The following XKR6 variants were observed in gnomAD, a reference collection of about 807,000 sequenced individuals.
XKR6 encodes XK related 6.
A neutral mutation model predicts 56.7 loss-of-function variants in XKR6; 22 were observed. That is an observed-to-expected ratio of 0.39 (90% CI 0.28 to 0.55). XKR6 has a LOEUF of 0.55. XKR6 is among the 20% of genes least tolerant of loss of function. The probability of loss-of-function intolerance (pLI) is 0.66; values close to 1 mark genes in which losing one functional copy is unlikely to be tolerated. For synonymous variants in XKR6, 524 were observed against 387.8 expected, an observed-to-expected ratio of 1.35 and a Z score of -4.13; for missense variants, 852 against 889.0, an observed-to-expected ratio of 0.96 and a Z score of 0.53.
intron 1 of XKR6, among the ~76,000 whole-genome samples, chr8:10,975,687 C>A (rs1411449149): frequency 6.6e-6 from 1 of 151,094 alleles, no homozygotes; most frequent in South Asian, 2.1e-4. Flanking sequence ...CCCATTACAG[C>A]AGCACTGGCA....
chr8:10,979,286 G>C (rs1428431518), intron 1 of XKR6, among the ~76,000 whole-genome samples: 1 of 151,974 alleles, frequency 6.6e-6, no homozygotes, highest in African/African-American at 2.4e-5. Context: ...GGAATTTGTT[G>C]AAAGAACACA....
In XKR6 at chr8:10,928,655, G is replaced by C. The variant is rs1438469432; in HGVS notation, c.765-3825C>G. 2.0e-5 allele frequency among the ~76,000 whole-genome samples: 3 copies of C among 152,184 alleles called. No homozygotes were observed. In the South Asian group the frequency reaches 6.2e-4, roughly 31 times the overall value. ...GTCGCGGAAACGCCGCTCCAGGCAAGTGATCTCATCCCACAGGCCCGCGCC... is the reference window on the plus strand; with the variant it reads ...GTCGCGGAAACGCCGCTCCAGGCAACTGATCTCATCCCACAGGCCCGCGCC... On this transcript the variant is annotated intron_variant, in intron 1 of 2. Transcript: ENST00000416569.
At chr8:10,901,002 G>T (rs1321907860) in intron 2 of XKR6, among the ~76,000 whole-genome samples, 1 of 151,088 alleles carries the variant, frequency 6.6e-6, no homozygotes, top group Non-Finnish European at 1.5e-5. Context: ...ATGCTCCAGT[G>T]AGCCCAGCTA....
At chr8:11,000,004 G>C (rs2129142748) in intron 1 of XKR6, among the ~76,000 whole-genome samples, 1 of 152,306 alleles carries the variant, frequency 6.6e-6, no homozygotes, top group South Asian at 2.1e-4. Context: ...TTTGGCTAAT[G>C]GCATTCCATC....
chr8:11,021,254 C>A (rs1798743493), intron 1 of XKR6, among the ~76,000 whole-genome samples: 2 of 152,160 alleles, frequency 1.3e-5, no homozygotes, highest in African/African-American at 4.8e-5. Flanking sequence ...ATACAGAACC[C>A]TGTCTTCCCT....
intron 1 of XKR6, among the ~76,000 whole-genome samples, chr8:11,086,395 C>T (rs796874537): frequency 5.3e-5 from 8 of 152,184 alleles, no homozygotes; most frequent in African/African-American, 1.7e-4. Flanking sequence ...GGGTGCTATT[C>T]GCTGTTATCC....
intron 1 of XKR6, among the ~76,000 whole-genome samples, chr8:11,065,482 G>A (rs917423731): frequency 2.6e-5 from 4 of 152,216 alleles, no homozygotes; most frequent in Non-Finnish European, 4.4e-5. Flanking sequence ...AGGCATTTAG[G>A]TTCTGTGGCC....
intron 1 of XKR6, among the ~76,000 whole-genome samples, chr8:11,018,948 G>C (rs1488618057): frequency 6.6e-6 from 1 of 152,080 alleles, no homozygotes; most frequent in Admixed American, 6.5e-5. Flanking sequence ...TGCTCATCTG[G>C]AGATGACCCT....
At chr8:11,079,395 G>T (rs1797635156) in intron 1 of XKR6, among the ~76,000 whole-genome samples, 1 of 152,208 alleles carries the variant, frequency 6.6e-6, no homozygotes, top group South Asian at 2.1e-4. Context: ...CTTAAGAACT[G>T]TCCACAGTGG....
chr8:11,034,398 C>T (rs1247416099), intron 1 of XKR6, among the ~76,000 whole-genome samples: 1 of 152,130 alleles, frequency 6.6e-6, no homozygotes, highest in Non-Finnish European at 1.5e-5. Flanking sequence ...GGCAAAATGT[C>T]CAGGACATTT....
In XKR6 at chr8:11,201,301, G is replaced by T; in HGVS notation, c.39C>A (p.Gly13=). ...AKSDGGGVGV[G]FAQLHNLDEA... ...CGTCCAGGTTGTGCAGCTGAGCGAA[G>T]CCCACCCCCACGCCACCGCCATCGG... Residue 13 remains glycine (G), a synonymous_variant, in exon 1 of 3, where the codon GGC becomes GGA. Coordinates refer to ENST00000416569, the MANE Select transcript of XKR6 (RefSeq NM_173683.4). The T allele has an allele frequency of 7.2e-7, 1 of 1,388,748 alleles. No individual in the cohort carries two copies. Among genetic ancestry groups the T allele is most frequent in the South Asian group, 1.2e-5 (1 of 86,934 alleles). 86.0% of individuals were successfully genotyped at this position (1,388,748 alleles called of 1,614,324 possible). A position where few individuals can be genotyped will look rare whatever the true frequency, so the allele number is the denominator to read the frequency against.
intron 1 of XKR6, among the ~76,000 whole-genome samples, chr8:11,170,201 C>T (rs772159992): frequency 1.5e-3 from 233 of 152,260 alleles, no homozygotes; most frequent in Middle Eastern, 3.4e-3. Context: ...AGGTATATAT[C>T]CAACAAAAAT....
chr8:11,013,205 G>C (rs1404223124), intron 1 of XKR6, among the ~76,000 whole-genome samples: 1 of 152,182 alleles, frequency 6.6e-6, no homozygotes, highest in Non-Finnish European at 1.5e-5. Flanking sequence ...TCATTGTACA[G>C]ACAAGGGCAC....
intron 1 of XKR6, among the ~76,000 whole-genome samples, chr8:11,007,688 A>G (rs761928313): frequency 1.4e-4 from 22 of 152,114 alleles, no homozygotes; most frequent in Non-Finnish European, 1.3e-4. Flanking sequence ...CAAAAAAGCA[A>G]AAGGAAATCT....
At chr8:10,927,192 G>A (rs180983158) in intron 1 of XKR6, among the ~76,000 whole-genome samples, 12 of 152,316 alleles carry the variant, frequency 7.9e-5, no homozygotes, top group East Asian at 1.9e-4. Flanking sequence ...CTGATCAACC[G>A]TGATGGCAGT....
chr8:10,912,464 TATAGAGAGAGAG>T (rs1800420721), intron 2 of XKR6, among the ~76,000 whole-genome samples: 1 of 114,214 alleles, frequency 8.8e-6, no homozygotes, highest in South Asian at 2.9e-4. Context: ...TATATATATA[TATAGAGAGAGAG>T]AGAGAGAGAG....
At position 11,152,823 on chromosome 8, in the gene XKR6, A is replaced by G. The variant is rs747808486; in HGVS notation, c.764+47753T>C. 9.8e-5 allele frequency among the ~76,000 whole-genome samples: 15 copies of G among 152,320 alleles called. 1 individual carries two copies. The highest frequency in any genetic ancestry group is 3.4e-4 in the African/African-American group (14 of 41,568). ...TATAAACAAATATAATTATCCAATC[A>G]AAATTCTGAATGATGAGAAGTTTCC... On this transcript the variant is annotated intron_variant, in intron 1 of 2. Coordinates refer to ENST00000416569, the MANE Select transcript of XKR6 (RefSeq NM_173683.4).
chr8:11,183,942 G>A (rs992451936), intron 1 of XKR6, among the ~76,000 whole-genome samples: 1 of 152,122 alleles, frequency 6.6e-6, no homozygotes, highest in South Asian at 2.1e-4. Context: ...AACAAGTCAG[G>A]ACTGTCTGTA....
At chr8:11,064,641 A>G (rs979767074) in intron 1 of XKR6, among the ~76,000 whole-genome samples, 1 of 152,232 alleles carries the variant, frequency 6.6e-6, no homozygotes, top group Non-Finnish European at 1.5e-5. Context: ...AGATACTTGC[A>G]TACTCTATTC....
Sources: allele counts gnomAD v4.1 joint callset (sites outside exome capture counted in the v4.1 genomes callset), GRCh38; gene constraint gnomAD v4.1.1; transcripts MANE v1.5; gene names NCBI Gene and HGNC (gene_info 2026-07-23, HGNC 2026-07-21).